Variants in ARHGEF11 observed in about 807,000 individuals in gnomAD.
The protein encoded by ARHGEF11 is Rho guanine nucleotide exchange factor 11.
ARHGEF11 carries 55 observed loss-of-function variants against 193.7 expected under a neutral mutation model. The ratio of observed to expected loss-of-function variants is 0.28; its 90% CI spans 0.23 to 0.36. ARHGEF11 has a LOEUF of 0.36. Ranked by LOEUF, ARHGEF11 falls within the 10% of genes least tolerant of loss-of-function variation. The pLI, the probability that ARHGEF11 is intolerant of heterozygous loss-of-function variation, is 1.00. For synonymous variants in ARHGEF11, 693 were observed against 768.0 expected (o/e 0.90, Z 1.62); for missense variants, 1,723 against 2,005.6 (o/e 0.86, Z 2.69).
In ARHGEF11 at chr1:156,950,184, G is replaced by A. The variant is rs200008171; in HGVS notation, c.1925+1389C>T. On this transcript the variant is annotated intron_variant, in intron 22 of 40. Transcript: ENST00000368194. ...AATGTTAGAACTCAACCTTCCCCCA[G>A]TACAAATCTAACCTTTGTCTCCTGT... Among the ~76,000 whole-genome samples the A allele has an allele frequency of 2.6e-5, 4 of 152,276 alleles. No individual in the cohort carries two copies. The South Asian group carries it at 6.2e-4, about 24-fold the overall frequency.
At chr1:156,964,883 A>C (rs1661482534) in intron 11 of ARHGEF11, among the ~76,000 whole-genome samples, 1 of 152,222 alleles carries the variant, frequency 6.6e-6, no homozygotes, top group Admixed American at 6.5e-5. Context: ...TGAAACCTGA[A>C]AAGCACTAAG....
In ARHGEF11 at chr1:156,979,610, C is replaced by T. The variant is rs143234801; in HGVS notation, c.274-324G>A. Among the ~76,000 whole-genome samples the T allele has an allele frequency of 6.4e-3, 973 of 152,214 alleles. 9 individuals carry two copies. The highest frequency in any genetic ancestry group is 0.021 in the African/African-American group (883 of 41,526). On this transcript the variant is annotated intron_variant, in intron 4 of 40. Coordinates refer to ENST00000368194, the MANE Select transcript of ARHGEF11 (RefSeq NM_198236.3). The stretch of plus-strand genomic sequence containing the variant: ...CGATCTCCTGACCTTGTGATCCGCC[C>T]GTCTTGGCCTCCCAAAGGGCTGGGA...
At chr1:156,980,577 T>G (rs1663982546) in intron 3 of ARHGEF11, 91 bp from the exon 4 acceptor site, 29 of 1,379,854 alleles carry the variant, frequency 2.1e-5, no homozygotes, top group Non-Finnish European at 2.8e-5. Flanking sequence ...TCCTCTGAAA[T>G]TTCCTCTTAT....
intron 1 of ARHGEF11, among the ~76,000 whole-genome samples, chr1:157,024,288 T>C (rs1670374793): frequency 6.6e-6 from 1 of 152,172 alleles, no homozygotes; most frequent in African/African-American, 2.4e-5. Context: ...GGAGCGGGAA[T>C]GAGAAGTGAC....
chr1:156,939,736 T>C lies in ARHGEF11; in HGVS notation c.3908A>G (p.Asp1303Gly). ...CTCCAGCCCTGCAAGCTGGGTGTTGTCCCCTTCACCCCCAGGGGGTGCTTG... is the reference window on the plus strand; with the variant it reads ...CTCCAGCCCTGCAAGCTGGGTGTTGCCCCCTTCACCCCCAGGGGGTGCTTG... The part of the protein sequence containing the change: ...PGQAPPGGEG[D>G]NTQLAGLEGE... Residue 1303 changes from aspartate (D) to glycine (G), a missense_variant, in exon 37 of 41, where the codon GAC becomes GGC. Coordinates refer to ENST00000368194, the MANE Select transcript of ARHGEF11 (RefSeq NM_198236.3). 3 of 1,614,066 alleles carry C rather than the reference T, an allele frequency of 1.9e-6. No homozygotes were observed. Among genetic ancestry groups the C allele is most frequent in the Non-Finnish European group, 2.5e-6 (3 of 1,179,988 alleles).
chr1:156,985,471 T>G (rs986933362), intron 2 of ARHGEF11, among the ~76,000 whole-genome samples: 1 of 152,178 alleles, frequency 6.6e-6, no homozygotes. Context: ...TCACCCAGGC[T>G]GGAGTGCAAT....
Position 156,939,700 on chromosome 1 carries a change from G to A in ARHGEF11, c.3944C>T (p.Pro1315Leu). ...ACAGAGACCCATGTCTTCCTGCTCT[G>A]GCCGTTCCCCCTCCAGCCCTGCAAG... Reference protein sequence around the residue: ...TQLAGLEGERPEQEDMGLCSL... With the variant: ...TQLAGLEGERLEQEDMGLCSL... Residue 1315 changes from proline to leucine, a missense_variant, in exon 37 of 41, where the codon CCA (proline) becomes CTA (leucine). By Grantham distance (98) the Pro-to-Leu change is moderately conservative (BLOSUM62 -3). Transcript: ENST00000368194. 1.2e-6 allele frequency: 2 copies of A among 1,614,078 alleles called. No homozygotes were observed. Among genetic ancestry groups the A allele is most frequent in the Non-Finnish European group, 1.7e-6 (2 of 1,180,008 alleles).
intron 18 of ARHGEF11, among the ~76,000 whole-genome samples, chr1:156,957,283 G>A (rs950085950): frequency 1.3e-5 from 2 of 152,080 alleles, no homozygotes; most frequent in African/African-American, 4.8e-5. Flanking sequence ...CTCAGGGAAT[G>A]CAGACTCATT....
rs774182297 is a variant in ARHGEF11, at chr1:156,960,434, C to T, written c.1266G>A (p.Met422Ile). The change falls in exon 15 of 41, where the codon ATG becomes ATA. Residue 422 changes from methionine to isoleucine, a missense_variant. Transcript: ENST00000368194. ...CCAACTTACCAATTTCAGCCTGTAGCATCTCAGGGATCTTCACTCTCAGAG... is the reference window on the plus strand; with the variant it reads ...CCAACTTACCAATTTCAGCCTGTAGTATCTCAGGGATCTTCACTCTCAGAG... ...NAPLRVKIPE[M>I]LQAEIDSRLR... 1 of 1,614,142 alleles carries T rather than the reference C, an allele frequency of 6.2e-7. No homozygotes were observed. The highest frequency in any genetic ancestry group is 8.5e-7 in the Non-Finnish European group (1 of 1,180,020).
intron 7 of ARHGEF11, among the ~76,000 whole-genome samples, chr1:156,975,763 A>G (rs1663167110): frequency 6.6e-6 from 1 of 152,252 alleles, no homozygotes; most frequent in Non-Finnish European, 1.5e-5. Flanking sequence ...GTAAGGGTCC[A>G]AATTAAGTAT....
intron 1 of ARHGEF11, among the ~76,000 whole-genome samples, chr1:157,036,086 T>C (rs1285166453): frequency 1.4e-5 from 2 of 144,118 alleles, no homozygotes; most frequent in East Asian, 2.0e-4. Flanking sequence ...TGAATATATA[T>C]ATGAAAATAC....
At chr1:156,955,884 G>T in intron 19 of ARHGEF11, 85 bp from the exon 20 acceptor site, 1 of 1,043,118 alleles carries the variant, frequency 9.6e-7, no homozygotes, top group Non-Finnish European at 1.5e-6. Flanking sequence ...TGTCCCCCAA[G>T]GCTGGCCCTC....
intron 1 of ARHGEF11, among the ~76,000 whole-genome samples, chr1:157,038,006 T>C (rs1191756591): frequency 8.9e-6 from 1 of 112,102 alleles, no homozygotes; most frequent in Non-Finnish European, 1.6e-5. Flanking sequence ...CACTCCAGCC[T>C]GGGTGACAGA....
rs371430782 is a variant in ARHGEF11 at position 156,968,064 on chromosome 1, G to C, written c.886C>G (p.Pro296Ala). Residue 296 changes from proline to alanine, a missense_variant, in exon 11 of 41, where the codon CCT becomes GCT. Physicochemically the swap from Pro to Ala is conservative, Grantham distance 27 (BLOSUM62 -1). This residue lies in a region of ARHGEF11 where 646 missense variants were observed against 710.7 expected (regional missense o/e 0.91). Transcript: ENST00000368194. ...DPGLDSPRTS[P>A]VIMARVAQHH... ...TGGGCCACCCTGGCCATGATCACAG[G>C]GGAGGTTCGAGGACTGTCTAGCCCA... 2 of 1,614,096 alleles carry C rather than the reference G, an allele frequency of 1.2e-6. No individual in the cohort carries two copies. Among genetic ancestry groups the C allele is most frequent in the African/African-American group, 2.7e-5 (2 of 74,934 alleles).
In ARHGEF11 at chr1:156,938,465, T is replaced by G; in HGVS notation, c.4145A>C (p.Gln1382Pro). 1 of 1,613,892 alleles carries G rather than the reference T, an allele frequency of 6.2e-7. No individual in the cohort carries two copies. The highest frequency in any genetic ancestry group is 8.5e-7 in the Non-Finnish European group (1 of 1,179,892). The stretch of plus-strand genomic sequence containing the variant: ...CACTTCAGGTGGCCCAGGCTCTGAC[T>G]GGCCACTCTCTGGTAGTGCAGGGAC... ...KVVPALPESGQSEPGPPEVEG... is the reference protein window; with the variant it reads ...KVVPALPESGPSEPGPPEVEG... Residue 1382 changes from glutamine (Q) to proline (P), a missense_variant, in exon 38 of 41, where the codon CAG (glutamine) becomes CCG (proline). Transcript: ENST00000368194.
intron 1 of ARHGEF11, among the ~76,000 whole-genome samples, chr1:156,998,482 T>C (rs1479386365): frequency 1.3e-5 from 2 of 152,342 alleles, no homozygotes; most frequent in East Asian, 3.9e-4. Context: ...AGCAAACTAT[T>C]TTCTGCGAAC....
intron 6 of ARHGEF11, 21 bp downstream of exon 6, chr1:156,978,183 G>A (rs1311706257): frequency 1.2e-6 from 2 of 1,614,090 alleles, no homozygotes; most frequent in Non-Finnish European, 1.7e-6. Context: ...GGTGAGGAAA[G>A]AAAGCCAGGA....
intron 1 of ARHGEF11, among the ~76,000 whole-genome samples, chr1:157,036,017 G>C (rs1253441598): frequency 8.5e-6 from 1 of 117,974 alleles, no homozygotes; most frequent in Non-Finnish European, 1.7e-5. Flanking sequence ...ATATATATAT[G>C]AATCTATATA....
chr1:156,942,958 AG>A (rs1310542765), intron 32 of ARHGEF11, among the ~76,000 whole-genome samples, 178 bp from the exon 33 acceptor site: 1 of 152,122 alleles, frequency 6.6e-6, no homozygotes, highest in African/African-American at 2.4e-5. Context: ...TAAGGGACAG[AG>A]GAAATTCCAG....
Sources: allele counts gnomAD v4.1 joint callset (sites outside exome capture counted in the v4.1 genomes callset), GRCh38; gene constraint gnomAD v4.1.1; regional missense constraint gnomAD v4.1.1; transcripts MANE v1.5; gene names NCBI Gene and HGNC (gene_info 2026-07-23, HGNC 2026-07-21).